COL23A1: variants seen among roughly 807,000 people sequenced by gnomAD.
The protein encoded by COL23A1 is collagen type XXIII alpha 1 chain, also known as collagen alpha-1(XXIII) chain.
Under a neutral mutation model 99.3 loss-of-function variants are expected in COL23A1, and 97 were observed. The ratio of observed to expected loss-of-function variants is 0.98; its 90% confidence interval spans 0.83 to 1.16. COL23A1 has a LOEUF of 1.16. COL23A1 is among the 50% of genes most tolerant of loss of function. The pLI is 0.00. For missense variants in COL23A1, 762 were observed against 757.4 expected (o/e 1.01, Z -0.07); for synonymous variants, 320 against 308.2 (o/e 1.04, Z -0.40).
chr5:178,481,257 T>C (rs1381463282), intron 2 of COL23A1, among the ~76,000 whole-genome samples: 2 of 151,966 alleles, frequency 1.3e-5, no homozygotes, highest in Non-Finnish European at 2.9e-5. Context: ...TGACCTAAAC[T>C]TAAGAGTAAA....
At chr5:178,403,406 T>C (rs1007310534) in intron 2 of COL23A1, among the ~76,000 whole-genome samples, 1 of 152,128 alleles carries the variant, frequency 6.6e-6, no homozygotes, top group Non-Finnish European at 1.5e-5. Flanking sequence ...CTACTTGCCC[T>C]TCCTTCCCTT....
intron 2 of COL23A1, among the ~76,000 whole-genome samples, chr5:178,537,918 G>C (rs375954192): frequency 1.3e-5 from 2 of 152,126 alleles, no homozygotes; most frequent in East Asian, 1.9e-4. Context: ...AGCTGTCCCC[G>C]TTCTCCCTGG....
At chr5:178,580,356 A>G (rs1013261353) in intron 1 of COL23A1, among the ~76,000 whole-genome samples, 12 of 151,710 alleles carry the variant, frequency 7.9e-5, no homozygotes, top group Non-Finnish European at 1.5e-4. Context: ...GAAAGAAACT[A>G]GAGGACATGT....
intron 2 of COL23A1, among the ~76,000 whole-genome samples, chr5:178,383,385 G>C (rs1277488649): frequency 6.6e-6 from 1 of 152,224 alleles, no homozygotes; most frequent in Non-Finnish European, 1.5e-5. Flanking sequence ...AGGAAACCAG[G>C]ACAAGTCCCC....
intron 2 of COL23A1, chr5:178,345,115 G>C (rs1431091856): frequency 1.7e-6 from 1 of 600,384 alleles, no homozygotes; most frequent in South Asian, 1.4e-5. Context: ...ACATCTCCCA[G>C]GAAGATGGTC....
intron 2 of COL23A1, among the ~76,000 whole-genome samples, chr5:178,498,924 C>CA (rs1758377521): frequency 9.0e-6 from 1 of 111,716 alleles, no homozygotes; most frequent in East Asian, 6.8e-4. Context: ...CCCATCTCTT[C>CA]TAAAAAAAAA....
intron 2 of COL23A1, among the ~76,000 whole-genome samples, chr5:178,509,176 G>A (rs1170729591): frequency 7.4e-5 from 5 of 67,116 alleles, no homozygotes; most frequent in Non-Finnish European, 1.2e-4. Flanking sequence ...TCCCACCCCC[G>A]CCCACCCCAC....
At chr5:178,258,262 T>TATATATATATATATATACACATAC in intron 12 of COL23A1, among the ~76,000 whole-genome samples, 2 of 104,066 alleles carry the variant, frequency 1.9e-5, no homozygotes, top group Admixed American at 1.0e-4. Flanking sequence ...TATATATATA[T>TATATATATATATATATACACATAC]ACACATGCAA....
chr5:178,312,719 G>T (rs1386282964), intron 2 of COL23A1, among the ~76,000 whole-genome samples: 1 of 152,102 alleles, frequency 6.6e-6, no homozygotes, highest in African/African-American at 2.4e-5. Flanking sequence ...CACCCTACTG[G>T]CCTGGCTGCT....
intron 2 of COL23A1, among the ~76,000 whole-genome samples, chr5:178,458,904 T>C (rs909172572): frequency 2.0e-5 from 3 of 152,090 alleles, no homozygotes; most frequent in Non-Finnish European, 4.4e-5. Context: ...CCCACCAGTT[T>C]ACAGGAAATA....
intron 2 of COL23A1, among the ~76,000 whole-genome samples, chr5:178,465,353 G>A (rs545211507): frequency 6.6e-6 from 1 of 152,158 alleles, no homozygotes; most frequent in African/African-American, 2.4e-5. Flanking sequence ...TAGCGTGACC[G>A]GACTCCCTAA....
chr5:178,528,057 T>C (rs562576133), intron 2 of COL23A1, among the ~76,000 whole-genome samples: 2 of 152,336 alleles, frequency 1.3e-5, no homozygotes, highest in African/African-American at 4.8e-5. Context: ...ACCGGGGCTT[T>C]TGGCTGTGAC....
chr5:178,539,371 A>C (rs1219722384), intron 2 of COL23A1, among the ~76,000 whole-genome samples: 2 of 151,968 alleles, frequency 1.3e-5, no homozygotes, highest in Admixed American at 6.6e-5. Flanking sequence ...ACCTGGTGAA[A>C]TCCTGTCTCT....
chr5:178,518,713 G>C (rs1373886848), intron 2 of COL23A1, among the ~76,000 whole-genome samples: 1 of 146,684 alleles, frequency 6.8e-6, no homozygotes, highest in Non-Finnish European at 1.5e-5. Context: ...CGGCCAGGCA[G>C]AGACACTCCT....
At chr5:178,266,166 G>A (rs955311467) in intron 8 of COL23A1, among the ~76,000 whole-genome samples, 4 of 151,926 alleles carry the variant, frequency 2.6e-5, no homozygotes, top group African/African-American at 9.7e-5. Context: ...TCAGCCTCTC[G>A]AGTAGCTGGG....
intron 2 of COL23A1, among the ~76,000 whole-genome samples, chr5:178,527,768 G>A (rs893078786): frequency 6.6e-6 from 1 of 151,954 alleles, no homozygotes; most frequent in African/African-American, 2.4e-5. Flanking sequence ...GCCCCTGCCA[G>A]GCTCCCTGCA....
rs569856944 is a variant in COL23A1 at position 178,337,940 on chromosome 5, G to A, written c.362-31021C>T. 2.0e-5 allele frequency among the ~76,000 whole-genome samples: 3 copies of A among 152,196 alleles called. No homozygotes were observed. The Middle Eastern group carries it at 0.01, about 518-fold the overall frequency. On this transcript the variant is annotated intron_variant, in intron 2 of 28. Coordinates refer to ENST00000390654, the MANE Select transcript of COL23A1 (RefSeq NM_173465.4). Reference sequence around the variant, plus strand: ...TATAATCCCTGACATTTATGGAGCAGTGACCTCATGCCAGGCACTGTGTTT... The same window carrying A: ...TATAATCCCTGACATTTATGGAGCAATGACCTCATGCCAGGCACTGTGTTT...
intron 11 of COL23A1, among the ~76,000 whole-genome samples, chr5:178,260,640 C>T (rs182215779): frequency 3.2e-4 from 49 of 152,192 alleles, no homozygotes; most frequent in Admixed American, 3.0e-3. Context: ...ACTAAAAATA[C>T]AAAATTAGCC....
At chr5:178,541,307 G>A (rs112986020) in intron 2 of COL23A1, among the ~76,000 whole-genome samples, 3,607 of 152,326 alleles carry the variant, frequency 0.024, 70 homozygotes, top group Middle Eastern at 0.082. Context: ...ATGATTTGGG[G>A]CCGGGCACAG....
Sources: allele counts gnomAD v4.1 joint callset (sites outside exome capture counted in the v4.1 genomes callset), GRCh38; gene constraint gnomAD v4.1.1; transcripts MANE v1.5; gene names NCBI Gene and HGNC (gene_info 2026-07-23, HGNC 2026-07-21).